ZNF106: variants seen among roughly 807,000 people sequenced by gnomAD.
The protein encoded by ZNF106 is zinc finger protein 106, also known as SH3-domain binding protein 3.
Under a neutral mutation model 195.1 loss-of-function variants are expected in ZNF106, and 67 were observed. That is an observed-to-expected ratio of 0.34 (90% confidence interval 0.28 to 0.42). The LOEUF (loss-of-function observed/expected upper bound fraction) is 0.42. Among genes scored for constraint, ZNF106 ranks in the 10% least tolerant of loss-of-function variants. The probability of loss-of-function intolerance (pLI) is 1.00; values close to 1 mark genes in which losing one functional copy is unlikely to be tolerated. For missense variants in ZNF106, 2,118 were observed against 2,304.5 expected (o/e 0.92, Z 1.66); for synonymous variants, 784 against 818.6 (o/e 0.96, Z 0.72).
In ZNF106 at chr15:42,426,766, G is replaced by A. The variant is rs572555743; in HGVS notation, c.4998+1252C>T. On this transcript the variant is annotated intron_variant, in intron 15 of 21. Coordinates refer to ENST00000564754, the MANE Select transcript of ZNF106 (RefSeq NM_001366845.3). ...GTAATTAGGCAATTATCACGTTTTA[G>A]CCTTTAAAATATTTTAAATTTACTT... 3.3e-5 allele frequency among the ~76,000 whole-genome samples: 5 copies of A among 152,134 alleles called. 1 individual carries two copies. The South Asian group carries it at 1.0e-3, about 32-fold the overall frequency.
In ZNF106 at chr15:42,422,494, A is replaced by T; in HGVS notation, c.5373+7T>A. The T allele has an allele frequency of 6.2e-7, 1 of 1,610,970 alleles. No homozygotes were observed. Among genetic ancestry groups the T allele is most frequent in the Non-Finnish European group, 8.5e-7 (1 of 1,179,158 alleles). On this transcript the variant is annotated splice_region_variant and intron_variant, in intron 18 of 21. Transcript: ENST00000564754. ...CATTCAAGCAAAATACTGAATCTAAATTCTACCTGTAATTCATAGACACGA... is the reference window on the plus strand; with the variant it reads ...CATTCAAGCAAAATACTGAATCTAATTTCTACCTGTAATTCATAGACACGA...
In ZNF106 at chr15:42,421,062, C is replaced by G. The variant is rs748921480; in HGVS notation, c.5516G>C (p.Trp1839Ser). The change falls in exon 20 of 22, where the codon TGG becomes TCG. Residue 1839 changes from tryptophan (W) to serine (S), a missense_variant and splice_region_variant. By Grantham distance (177) the Trp-to-Ser change is radical. Coordinates refer to ENST00000564754, the MANE Select transcript of ZNF106 (RefSeq NM_001366845.3). ...GACAGGAAGAGTTTCACTCCTTACC[C>G]AACAGCGGTAATTCTGCATCAGATT... is the stretch of plus-strand genomic sequence containing the variant. ...RLNLMQNYRC[W>S]WHGCSLIFGV... is the part of the protein sequence containing the mutation. 9.9e-6 allele frequency: 16 copies of G among 1,614,040 alleles called. No individual in the cohort carries two copies.
intron 13 of ZNF106, among the ~76,000 whole-genome samples, chr15:42,436,471 A>G (rs1437945917): frequency 6.6e-6 from 1 of 152,194 alleles, no homozygotes; most frequent in African/African-American, 2.4e-5. Context: ...TGTTGCCTAT[A>G]TAGCAAACAC....
chr15:42,461,499 C>T (rs546920321), intron 3 of ZNF106, among the ~76,000 whole-genome samples: 7 of 152,196 alleles, frequency 4.6e-5, no homozygotes, highest in East Asian at 3.8e-4. Flanking sequence ...TCTAACTACC[C>T]GACAACAGCT....
chr15:42,476,489 T>C (rs1394146230), intron 1 of ZNF106, among the ~76,000 whole-genome samples: 1 of 152,198 alleles, frequency 6.6e-6, no homozygotes, highest in Non-Finnish European at 1.5e-5. Context: ...TTAGTCACCT[T>C]ACACTGGTTT....
chr15:42,476,528 T>C (rs2056788017), intron 1 of ZNF106, among the ~76,000 whole-genome samples: 1 of 152,186 alleles, frequency 6.6e-6, no homozygotes. Flanking sequence ...GATCAAGAAC[T>C]GACCTCAGGT....
intron 5 of ZNF106, among the ~76,000 whole-genome samples, chr15:42,449,166 T>A (rs2053556472): frequency 6.6e-6 from 1 of 152,202 alleles, no homozygotes; most frequent in African/African-American, 2.4e-5. Flanking sequence ...CCTGGAGAAC[T>A]GTATCATCAT....
chr15:42,424,779 C>T (rs1404922965), intron 16 of ZNF106, 55 bp downstream of exon 16: 9 of 1,564,062 alleles, frequency 5.8e-6, no homozygotes, highest in Non-Finnish European at 7.0e-6. Context: ...CTCGCCTGGC[C>T]TCAAAACCCT....
At chr15:42,434,345 A>G (rs2055187911) in intron 14 of ZNF106, among the ~76,000 whole-genome samples, 2 of 151,998 alleles carry the variant, frequency 1.3e-5, no homozygotes, top group Non-Finnish European at 2.9e-5. Flanking sequence ...ACAAACAAAC[A>G]AAAAAAACAC....
rs760998054 is a variant in ZNF106, at chr15:42,424,921, A to G, written c.5103T>C (p.Tyr1701=). ...CATCGCGTACACTAATTGTGCAGTC[A>G]TAAGACCCCACGACCAGCAGTTTTC... ...GARKLLVVGS[Y]DCTISVRDAR... Residue 1701 remains tyrosine (Y), a synonymous_variant, in exon 16 of 22, where the codon TAT becomes TAC. Coordinates refer to ENST00000564754, the MANE Select transcript of ZNF106 (RefSeq NM_001366845.3). 2.5e-6 allele frequency: 4 copies of G among 1,614,200 alleles called. No homozygotes were observed. The highest frequency in any genetic ancestry group is 1.3e-5 in the African/African-American group (1 of 75,042).
At chr15:42,489,607 A>G (rs1211614086) in intron 1 of ZNF106, among the ~76,000 whole-genome samples, 1 of 152,224 alleles carries the variant, frequency 6.6e-6, no homozygotes, top group Non-Finnish European at 1.5e-5. Context: ...AGTAGATACT[A>G]AATAAATTCT....
chr15:42,438,581 GTTAAC>G, intron 12 of ZNF106, 26 bp downstream of exon 12: 1 of 1,586,718 alleles, frequency 6.3e-7, no homozygotes, highest in Non-Finnish European at 8.6e-7. Flanking sequence ...TAATTCTGTG[GTTAAC>G]TTAAATAAAA....
intron 6 of ZNF106, among the ~76,000 whole-genome samples, chr15:42,447,804 T>C (rs1181689496): frequency 1.3e-5 from 2 of 152,232 alleles, no homozygotes; most frequent in African/African-American, 4.8e-5. Context: ...CTTGGTCAGG[T>C]GATACAAAGA....
rs1467250788 is a variant in ZNF106 at position 42,424,865 on chromosome 15, T to C, written c.5159A>G (p.Glu1720Gly). ...ARNGLLLRTL[E>G]GHSKTILCMK... ...GCAAAGAATGGTTTTGCTATGGCCCTCCAGAGTTCTGAGGAGCAGTCCATT... is the reference window on the plus strand; with the variant it reads ...GCAAAGAATGGTTTTGCTATGGCCCCCCAGAGTTCTGAGGAGCAGTCCATT... The change falls in exon 16 of 22, where the codon GAG becomes GGG. Residue 1720 changes from glutamate to glycine, a missense_variant. Coordinates refer to ENST00000564754, the MANE Select transcript of ZNF106 (RefSeq NM_001366845.3). The C allele has an allele frequency of 3.1e-6, 5 of 1,614,122 alleles. No individual in the cohort carries two copies. Among genetic ancestry groups the C allele is most frequent in the Non-Finnish European group, 3.4e-6 (4 of 1,180,014 alleles).
rs557494750 is a variant in ZNF106 at position 42,448,388 on chromosome 15, C to T, written c.2819G>A (p.Arg940Gln). 8.7e-6 allele frequency: 14 copies of T among 1,614,144 alleles called. No individual in the cohort carries two copies. Among genetic ancestry groups the T allele is most frequent in the East Asian group, 4.5e-5 (2 of 44,882 alleles). ...TMHLKQEVTP[R>Q]AASLRTGERA... ...TTCACCTGTTCGGAGGGAGGCAGCC[C>T]GAGGTGTCACTTCTTGTTTGAGGTG... The change falls in exon 6 of 22, where the codon CGG (arginine) becomes CAG (glutamine). Residue 940 changes from arginine to glutamine, a missense_variant. Transcript: ENST00000564754.
At chr15:42,482,901 G>A (rs1045138419) in intron 1 of ZNF106, among the ~76,000 whole-genome samples, 1 of 152,112 alleles carries the variant, frequency 6.6e-6, no homozygotes, top group Non-Finnish European at 1.5e-5. Context: ...TCAGCAGTCT[G>A]CCAAGGTTTG....
chr15:42,445,001 G>A lies in ZNF106; in HGVS notation c.3206-20C>T. On this transcript the variant is annotated intron_variant, in intron 7 of 21. Transcript: ENST00000564754. Reference sequence around the variant, plus strand: ...AACGTTCTGCCAAAAGAAATCATAAGGTTCAGGTTAATACGAGAGATTTCC... The same window carrying A: ...AACGTTCTGCCAAAAGAAATCATAAAGTTCAGGTTAATACGAGAGATTTCC... 6.2e-7 allele frequency: 1 copy of A among 1,613,606 alleles called. No individual in the cohort carries two copies. Among genetic ancestry groups the A allele is most frequent in the East Asian group, 2.2e-5 (1 of 44,878 alleles).
chr15:42,488,483 C>T (rs2057065220), intron 1 of ZNF106, among the ~76,000 whole-genome samples: 1 of 152,034 alleles, frequency 6.6e-6, no homozygotes, highest in Non-Finnish European at 1.5e-5. Flanking sequence ...AGAGTTTCCA[C>T]TAGTGATTTC....
At position 42,435,621 on chromosome 15, in the gene ZNF106, T is replaced by C. The variant is rs1274363065; in HGVS notation, c.4747-103A>G. The C allele has an allele frequency of 3.6e-6, 5 of 1,404,398 alleles. No homozygotes were observed. The East Asian group carries it at 1.2e-4, about 32-fold the overall frequency. The allele number at this position is 1,404,398 out of a possible 1,614,324, so 87.0% of individuals were successfully genotyped here. On this transcript the variant is annotated intron_variant, in intron 13 of 21. Coordinates refer to ENST00000564754, the MANE Select transcript of ZNF106 (RefSeq NM_001366845.3). ...TGCTAAAACATTCAGTTCACTGCTGTATCCTCATGTCTAAAACAGCACCTG... is the reference window on the plus strand; with the variant it reads ...TGCTAAAACATTCAGTTCACTGCTGCATCCTCATGTCTAAAACAGCACCTG...
Sources: gnomAD v4.1 joint callset for allele counts (sites outside exome capture counted in the v4.1 genomes callset) on GRCh38, gnomAD v4.1.1 for gene constraint, MANE v1.5 for transcripts, NCBI Gene and HGNC (gene_info 2026-07-23, HGNC 2026-07-21) for gene names.